The following FILIP1L variants were observed in gnomAD, a reference collection of about 807,000 sequenced individuals.
FILIP1L encodes the protein filamin A interacting protein 1 like, also known as filamin A-interacting protein 1-like.
In FILIP1L, 55 loss-of-function variants were observed where a neutral mutation model predicts 96.6. The observed-to-expected ratio is 0.57, with a 90% confidence interval of 0.46 to 0.71. The LOEUF is 0.71. Ranked by LOEUF, FILIP1L falls within the 30% of genes least tolerant of loss-of-function variation. The pLI is 0.00. For missense variants in FILIP1L, 1,304 were observed against 1,321.2 expected (o/e 0.99, Z 0.20); for synonymous variants, 467 against 473.9 (o/e 0.99, Z 0.19).
At position 100,062,680 on chromosome 3, in the gene FILIP1L, C is replaced by T. The variant is rs140280784; in HGVS notation, c.-11+51373G>A. 4.6e-4 allele frequency among the ~76,000 whole-genome samples: 70 copies of T among 152,270 alleles called. 2 individuals carry two copies. In the East Asian group the frequency reaches 4.8e-3, roughly 11 times the overall value. On this transcript the variant is annotated intron_variant, in intron 1 of 5. Transcript: ENST00000477258. ...ATACTAATTTCAAAAATCTCAAAAC[C>T]CTAAAAGAAATTTAAAAGCCCCTAT...
intron 1 of FILIP1L, among the ~76,000 whole-genome samples, chr3:99,956,550 T>C (rs1708325327): frequency 6.6e-6 from 1 of 152,212 alleles, no homozygotes; most frequent in African/African-American, 2.4e-5. Context: ...TTTCACCACG[T>C]TGGCCAGGCT....
At chr3:100,053,746 A>G (rs1217206281) in intron 1 of FILIP1L, among the ~76,000 whole-genome samples, 1 of 152,152 alleles carries the variant, frequency 6.6e-6, no homozygotes, top group Non-Finnish European at 1.5e-5. Context: ...TCACTGTGTT[A>G]TCTTTCTTAC....
intron 5 of FILIP1L, among the ~76,000 whole-genome samples, chr3:99,843,422 C>G (rs910729676): frequency 2.0e-5 from 3 of 152,152 alleles, no homozygotes; most frequent in Non-Finnish European, 2.9e-5. Context: ...TTCTGTTTGT[C>G]ATGCCAGCCA....
intron 1 of FILIP1L, among the ~76,000 whole-genome samples, chr3:100,105,907 C>T (rs2066387290): frequency 6.6e-6 from 1 of 152,082 alleles, no homozygotes; most frequent in South Asian, 2.1e-4. Flanking sequence ...AATCAATGAG[C>T]TTTCTTTTCT....
chr3:99,939,443 T>C (rs1707790214), intron 1 of FILIP1L, among the ~76,000 whole-genome samples: 1 of 152,238 alleles, frequency 6.6e-6, no homozygotes, highest in East Asian at 1.9e-4. Context: ...TTTATTCATT[T>C]CTTACACCAC....
At chr3:100,107,860 G>T (rs1321323150) in intron 1 of FILIP1L, among the ~76,000 whole-genome samples, 4 of 143,762 alleles carry the variant, frequency 2.8e-5, no homozygotes, top group Admixed American at 1.4e-4. Flanking sequence ...TTTTATGGTA[G>T]AAGAGAGCAA....
At chr3:99,929,634 A>G (rs1403301959) in intron 3 of FILIP1L, among the ~76,000 whole-genome samples, 1 of 151,980 alleles carries the variant, frequency 6.6e-6, no homozygotes. Flanking sequence ...CATTTGGTAG[A>G]TTTTGGTTGA....
chr3:100,077,712 C>T (rs991988383), intron 1 of FILIP1L, among the ~76,000 whole-genome samples: 2 of 152,142 alleles, frequency 1.3e-5, no homozygotes, highest in Admixed American at 1.3e-4. Flanking sequence ...TAGTTCAAGA[C>T]CAGCCTGGGC....
chr3:99,918,814 T>G (rs1576572403), intron 4 of FILIP1L, among the ~76,000 whole-genome samples: 2 of 152,216 alleles, frequency 1.3e-5, no homozygotes, highest in East Asian at 3.8e-4. Flanking sequence ...ACAAAATATT[T>G]GTTTGCAGTG....
intron 4 of FILIP1L, among the ~76,000 whole-genome samples, chr3:99,872,738 C>T (rs1230474500): frequency 6.6e-6 from 1 of 152,160 alleles, no homozygotes; most frequent in African/African-American, 2.4e-5. Flanking sequence ...ATTAAAACTG[C>T]TGCTGTCCTA....
chr3:100,072,152 G>A (rs371566055), intron 1 of FILIP1L, among the ~76,000 whole-genome samples: 1 of 152,120 alleles, frequency 6.6e-6, no homozygotes, highest in East Asian at 1.9e-4. Flanking sequence ...CAAACACTAG[G>A]CAATATGCTG....
chr3:99,992,603 A>G (rs918873670), intron 1 of FILIP1L, among the ~76,000 whole-genome samples: 1 of 151,704 alleles, frequency 6.6e-6, no homozygotes, highest in African/African-American at 2.4e-5. Flanking sequence ...ATTTTTTCCC[A>G]TTCTATAGAT....
chr3:99,839,776 T>C (rs1396455188), intron 5 of FILIP1L, among the ~76,000 whole-genome samples: 1 of 152,232 alleles, frequency 6.6e-6, no homozygotes, highest in Non-Finnish European at 1.5e-5. Context: ...GAAACAATTA[T>C]GCAACAAAAC....
At chr3:100,050,280 A>T (rs1479086855) in intron 1 of FILIP1L, among the ~76,000 whole-genome samples, 1 of 152,162 alleles carries the variant, frequency 6.6e-6, no homozygotes. Flanking sequence ...AGTGATTTTT[A>T]AATGTGCCCT....
chr3:99,980,345 T>A (rs187573513), intron 1 of FILIP1L, among the ~76,000 whole-genome samples: 53 of 152,258 alleles, frequency 3.5e-4, no homozygotes, highest in African/African-American at 1.3e-3. Context: ...AAGTCTTGCA[T>A]TGGATGTTTT....
At chr3:99,897,398 C>CTA (rs1343050163) in intron 4 of FILIP1L, among the ~76,000 whole-genome samples, 3 of 151,852 alleles carry the variant, frequency 2.0e-5, no homozygotes, top group Non-Finnish European at 4.4e-5. Context: ...CTTACTTGTT[C>CTA]TATACCTTTG....
chr3:99,944,268 C>A (rs1707939608), intron 1 of FILIP1L, among the ~76,000 whole-genome samples: 3 of 152,124 alleles, frequency 2.0e-5, no homozygotes, highest in Admixed American at 2.0e-4. Flanking sequence ...AGAACCAGTG[C>A]TTGTTGTTTA....
intron 4 of FILIP1L, among the ~76,000 whole-genome samples, chr3:99,902,931 A>G (rs1706483443): frequency 6.6e-6 from 1 of 152,242 alleles, no homozygotes; most frequent in Admixed American, 6.5e-5. Flanking sequence ...CTATAAAATC[A>G]TAAGCAGTGT....
chr3:100,010,220 A>G lies in FILIP1L; in HGVS notation c.-10-79190T>C. The G allele has an allele frequency of 6.1e-6, 4 of 655,660 alleles. No homozygotes were observed. In the South Asian group the frequency reaches 2.8e-4, roughly 45 times the overall value. The allele number at this position is 655,660 out of a possible 1,614,324, so 40.6% of individuals were successfully genotyped here. On this transcript the variant is annotated intron_variant, in intron 1 of 5. Coordinates refer to ENST00000477258, the MANE Select transcript of FILIP1L (RefSeq NM_001387850.1). ...TTTTTATCAAATGATGTAAACTGTC[A>G]TTTTTGTGATTTCTCAGTATGTTTT...
Sources: gnomAD v4.1 joint callset for allele counts (sites outside exome capture counted in the v4.1 genomes callset) on GRCh38, gnomAD v4.1.1 for gene constraint, MANE v1.5 for transcripts, NCBI Gene and HGNC (gene_info 2026-07-23, HGNC 2026-07-21) for gene names.